The following HUNK variants were observed in gnomAD, a reference collection of about 807,000 sequenced individuals.
HUNK encodes hormonally up-regulated neu tumor-associated kinase.
HUNK carries 21 observed loss-of-function variants against 61.0 expected under a neutral mutation model. The observed-to-expected ratio is 0.34, with a 90% CI of 0.24 to 0.50. HUNK has a LOEUF of 0.50. Ranked by LOEUF, HUNK falls within the 20% of genes least tolerant of loss-of-function variation. The pLI, the probability that HUNK is intolerant of heterozygous loss-of-function variation, is 0.98. For synonymous variants in HUNK, 371 were observed against 386.1 expected, an observed-to-expected ratio of 0.96 and a Z score of 0.46; for missense variants, 772 against 945.7, an observed-to-expected ratio of 0.82 and a Z score of 2.41.
Position 31,949,175 on chromosome 21 carries a change from G to A in HUNK, c.746+3004G>A, listed in dbSNP as rs60380749. 5.1e-3 allele frequency among the ~76,000 whole-genome samples: 779 copies of A among 152,360 alleles called. 7 individuals are homozygous for A. The highest frequency in any genetic ancestry group is 0.018 in the African/African-American group (760 of 41,592). On this transcript the variant is annotated intron_variant, in intron 4 of 10. Transcript: ENST00000270112. Reference sequence around the variant, plus strand: ...CCAGTTACTTTGCAGGTGTGGTCTGGTGTGCAGGCTGCATATGGGGTGTGT... The same window carrying A: ...CCAGTTACTTTGCAGGTGTGGTCTGATGTGCAGGCTGCATATGGGGTGTGT...
At chr21:31,944,442 G>C (rs2052788852) in intron 3 of HUNK, among the ~76,000 whole-genome samples, 1 of 152,124 alleles carries the variant, frequency 6.6e-6, no homozygotes. Flanking sequence ...CTGAGGGGTG[G>C]GGTCTGAGAA....
intron 2 of HUNK, among the ~76,000 whole-genome samples, chr21:31,932,321 C>T (rs565314225): frequency 6.1e-4 from 93 of 152,236 alleles, no homozygotes; most frequent in African/African-American, 2.0e-3. Flanking sequence ...GCAACAGGAC[C>T]CTCCCTGACT....
chr21:31,995,095 G>A (rs1323685846), intron 9 of HUNK, among the ~76,000 whole-genome samples: 3 of 147,618 alleles, frequency 2.0e-5, no homozygotes, highest in Admixed American at 1.4e-4. Flanking sequence ...GGAGCTCGAG[G>A]TTGCAGTGAG....
At chr21:31,932,000 C>T (rs112712740) in intron 2 of HUNK, among the ~76,000 whole-genome samples, 6,602 of 151,276 alleles carry the variant, frequency 0.044, 165 homozygotes, top group Middle Eastern at 0.075. Context: ...GTATGCAACA[C>T]GTATGTGCAA....
At chr21:31,968,844 G>GTGTGTAAATT (rs1218938379) in intron 6 of HUNK, among the ~76,000 whole-genome samples, 3 of 1,734 alleles carry the variant, frequency 1.7e-3, no homozygotes, top group African/African-American at 8.0e-3. Flanking sequence ...GTGTAAATTT[G>GTGTGTAAATT]TGTGTGTGTG....
intron 5 of HUNK, among the ~76,000 whole-genome samples, chr21:31,960,151 A>G (rs963120024): frequency 2.6e-5 from 4 of 152,214 alleles, no homozygotes; most frequent in Non-Finnish European, 5.9e-5. Context: ...TCCATATTTC[A>G]TACTCATTAG....
At chr21:31,914,998 T>C (rs2052572489) in intron 1 of HUNK, among the ~76,000 whole-genome samples, 1 of 152,124 alleles carries the variant, frequency 6.6e-6, no homozygotes, top group South Asian at 2.1e-4. Context: ...GACTCTTTTA[T>C]AGTACAGGTT....
chr21:31,963,070 A>AC (rs1272235953), intron 5 of HUNK, among the ~76,000 whole-genome samples: 1 of 152,024 alleles, frequency 6.6e-6, no homozygotes, highest in East Asian at 1.9e-4. Flanking sequence ...AATCCTTTGC[A>AC]CCCCGCTAAG....
intron 4 of HUNK, among the ~76,000 whole-genome samples, chr21:31,950,443 G>A (rs1382498422): frequency 6.6e-6 from 1 of 152,234 alleles, no homozygotes; most frequent in East Asian, 1.9e-4. Flanking sequence ...TCAAAGATGA[G>A]TGGAGACGGC....
At chr21:31,875,097 G>A (rs1321753689) in intron 1 of HUNK, among the ~76,000 whole-genome samples, 2 of 152,192 alleles carry the variant, frequency 1.3e-5, no homozygotes, top group East Asian at 3.9e-4. Context: ...TCAGGGAGGC[G>A]TCAGCCGCAA....
intron 1 of HUNK, among the ~76,000 whole-genome samples, chr21:31,897,953 T>G (rs987375279): frequency 6.6e-6 from 1 of 152,082 alleles, no homozygotes; most frequent in South Asian, 2.1e-4. Flanking sequence ...TAAGTGCACT[T>G]GGGCTTATGG....
chr21:31,903,294 G>A (rs1369741983), intron 1 of HUNK, among the ~76,000 whole-genome samples: 1 of 151,974 alleles, frequency 6.6e-6, no homozygotes, highest in Non-Finnish European at 1.5e-5. Flanking sequence ...CTTGTAAGTG[G>A]AAAACATCCC....
chr21:31,985,851 C>A (rs964258858), intron 8 of HUNK, among the ~76,000 whole-genome samples: 1 of 152,164 alleles, frequency 6.6e-6, no homozygotes, highest in African/African-American at 2.4e-5. Context: ...GTCAGTGACA[C>A]TGCAGTGAAG....
chr21:31,912,958 G>A (rs933405613), intron 1 of HUNK, among the ~76,000 whole-genome samples: 48 of 152,216 alleles, frequency 3.2e-4, no homozygotes, highest in African/African-American at 9.2e-4. Flanking sequence ...GGCTGAAGTC[G>A]TGGGATTTCC....
chr21:31,877,208 G>T (rs2052269772), intron 1 of HUNK, among the ~76,000 whole-genome samples: 1 of 152,154 alleles, frequency 6.6e-6, no homozygotes, highest in South Asian at 2.1e-4. Flanking sequence ...GGCATTGCTA[G>T]TTGAAGGCAT....
chr21:31,883,383 A>C (rs34750510), intron 1 of HUNK, among the ~76,000 whole-genome samples: 1 of 151,848 alleles, frequency 6.6e-6, no homozygotes, highest in African/African-American at 2.4e-5. Context: ...TTACATGGGA[A>C]TTGAGTATAT....
chr21:31,968,393 C>A lies in HUNK; in HGVS notation c.1010+8C>A, dbSNP rs763633645. Reference sequence around the variant, plus strand: ...TGTCACCTATCCCAACAGGTAATTTCGTGCACCCAGAGGAACTCCTCGGGA... The same window carrying A: ...TGTCACCTATCCCAACAGGTAATTTAGTGCACCCAGAGGAACTCCTCGGGA... On this transcript the variant is annotated splice_region_variant and intron_variant, in intron 6 of 10. Transcript: ENST00000270112. 6.2e-7 allele frequency: 1 copy of A among 1,614,100 alleles called. No homozygotes were observed. Among genetic ancestry groups the A allele is most frequent in the Non-Finnish European group, 8.5e-7 (1 of 1,179,982 alleles).
intron 1 of HUNK, among the ~76,000 whole-genome samples, chr21:31,910,611 C>T (rs1329608624): frequency 6.6e-6 from 1 of 151,970 alleles, no homozygotes; most frequent in Non-Finnish European, 1.5e-5. Context: ...GCCTCAGCCT[C>T]CCAAGTAGCT....
intron 2 of HUNK, among the ~76,000 whole-genome samples, chr21:31,930,750 C>G: frequency 6.6e-6 from 1 of 152,122 alleles, no homozygotes; most frequent in Middle Eastern, 3.2e-3. Flanking sequence ...GGTAGCCAGT[C>G]CTATGTTCTG....
Sources: gnomAD v4.1 joint callset for allele counts (sites outside exome capture counted in the v4.1 genomes callset) on GRCh38, gnomAD v4.1.1 for gene constraint, MANE v1.5 for transcripts, NCBI Gene and HGNC (gene_info 2026-07-23, HGNC 2026-07-21) for gene names.